Variants in TTN observed in about 807,000 individuals in gnomAD.
TTN encodes connectin.
TTN carries 1,525 observed loss-of-function variants against 3,223.0 expected under a neutral mutation model. The observed-to-expected ratio is 0.47, with a 90% confidence interval of 0.45 to 0.49. TTN has a LOEUF of 0.49. Among genes scored for constraint, TTN ranks in the 20% least tolerant of loss-of-function variants. TTN has a pLI of 0.00. For missense variants in TTN, 40,786 were observed against 43,424.0 expected, an observed-to-expected ratio of 0.94 and a Z score of 5.40; for synonymous variants, 14,094 against 15,161.0, an observed-to-expected ratio of 0.93 and a Z score of 5.17.
At position 178,658,748 on chromosome 2, in the gene TTN, T is replaced by C. The variant is rs1480068000; in HGVS notation, c.37500A>G (p.Val12500=). The change falls in exon 183 of 363, where the codon GTA becomes GTG. Residue 12500 remains valine (V), a synonymous_variant. Coordinates refer to ENST00000589042, the MANE Select transcript of TTN (RefSeq NM_001267550.2). The part of the protein sequence containing the change: ...PPKEVVPEKK[V]PVPPAKKPEA... ...CTGGCTTTTTGGCAGGAGGCACCGG[T>C]ACTTTCTTTTCTGGGACCACTTCCT... The C allele has an allele frequency of 6.3e-7, 1 of 1,578,542 alleles. No homozygotes were observed. Among genetic ancestry groups the C allele is most frequent in the Non-Finnish European group, 8.7e-7 (1 of 1,155,384 alleles).
chr2:178,527,556 G>C lies in TTN; in HGVS notation c.107570C>G (p.Ser35857Cys). 6.2e-7 allele frequency: 1 copy of C among 1,613,994 alleles called. No individual in the cohort carries two copies. The highest frequency in any genetic ancestry group is 8.5e-7 in the Non-Finnish European group (1 of 1,179,888). ...TTCTACAAAGGACTCTTGCATGGAG[G>C]ACATGCTTTGGGCAGACATGCTTGC... The part of the protein sequence containing the change: ...KFASMSAQSM[S>C]SMQESFVEMS... Residue 35857 changes from serine to cysteine, a missense_variant, in exon 362 of 363, where the codon TCC becomes TGC. Physicochemically the swap from Ser to Cys is moderately radical, Grantham distance 112. Transcript: ENST00000589042.
chr2:178,569,997 C>T lies in TTN; in HGVS notation c.76135G>A (p.Val25379Ile). ...AGTCCAGCAGCATTCTCAGCAGAAA[C>T]TCTGAACTCATAATCGTGATTTTCT... ...LIENHDYEFR[V>I]SAENAAGLSE... Residue 25379 changes from valine to isoleucine, a missense_variant, in exon 326 of 363, where the codon GTT (valine) becomes ATT (isoleucine). Physicochemically the swap from Val to Ile is conservative, Grantham distance 29 (BLOSUM62 3). Coordinates refer to ENST00000589042, the MANE Select transcript of TTN (RefSeq NM_001267550.2). 6.2e-7 allele frequency: 1 copy of T among 1,612,828 alleles called. No individual in the cohort carries two copies. The highest frequency in any genetic ancestry group is 8.5e-7 in the Non-Finnish European group (1 of 1,179,260).
chr2:178,727,298 G>T lies in TTN; in HGVS notation c.20067C>A (p.Cys6689Ter). Residue 6689 changes from cysteine (C) to a stop codon, truncating the protein, a stop_gained, in exon 69 of 363, where the codon TGC (cysteine) becomes TGA (stop). Coordinates refer to ENST00000589042, the MANE Select transcript of TTN (RefSeq NM_001267550.2). LOFTEE classifies it high-confidence loss of function. ...TGATTTCTGGGGATCCAGCTATCTT[G>T]CATTCAAGTCGTGAAGAGTCACCTG... is the stretch of plus-strand genomic sequence containing the variant. ...VKAGDSSRLE[C>*]KIAGSPEIRV... 3 of 1,612,946 alleles carry T rather than the reference G, an allele frequency of 1.9e-6. No homozygotes were observed. The highest frequency in any genetic ancestry group is 2.5e-6 in the Non-Finnish European group (3 of 1,179,336).
Position 178,773,356 on chromosome 2 carries a change from G to A in TTN, c.7608C>T (p.Ile2536=). 2 of 1,613,902 alleles carry A rather than the reference G, an allele frequency of 1.2e-6. No homozygotes were observed. The highest frequency in any genetic ancestry group is 1.7e-6 in the Non-Finnish European group (2 of 1,179,948). The change falls in exon 33 of 363, where the codon ATC becomes ATT. Residue 2536 remains isoleucine, a synonymous_variant. Transcript: ENST00000589042. Reference sequence around the variant, plus strand: ...TACAGGTAAGGTCACGAAGACCTCTGATAATTTTAATTTCTGGGGAAAAAA... The same window carrying A: ...TACAGGTAAGGTCACGAAGACCTCTAATAATTTTAATTTCTGGGGAAAAAA... The part of the protein sequence containing the change: ...CNLSVEKIKI[I]RGLRDLTCTE...
Position 178,576,147 on chromosome 2 carries a change from C to T in TTN, c.69985G>A (p.Val23329Met). Residue 23329 changes from valine to methionine, a missense_variant, in exon 326 of 363, where the codon GTG becomes ATG. By Grantham distance (21) the Val-to-Met change is conservative. Coordinates refer to ENST00000589042, the MANE Select transcript of TTN (RefSeq NM_001267550.2). The surrounding 1 kb of genome is among the most constrained non-coding windows in gnomAD (Gnocchi z 4.3). ...TCTACGATTTCAACATCTGGAATCA[C>T]CGCTGGCTCCCCAACACCTGCATCG... ...INDAGVGEPA[V>M]IPDVEIVERE... 1 of 1,613,296 alleles carries T rather than the reference C, an allele frequency of 6.2e-7. No individual in the cohort carries two copies.
In TTN at chr2:178,650,831, G is replaced by A; in HGVS notation, c.39629C>T (p.Pro13210Leu). The change falls in exon 209 of 363, where the codon CCA becomes CTA. Residue 13210 changes from proline (P) to leucine (L), a missense_variant. Transcript: ENST00000589042. ...CAAGACAGGTTTCTTTGGCACTTCT[G>A]GCACTTTAAAGATATTAATTCATTT... ...KKPEVPPAKV[P>L]EVPKKPVLEE... 1.2e-6 allele frequency: 2 copies of A among 1,602,662 alleles called. No individual in the cohort carries two copies. Among genetic ancestry groups the A allele is most frequent in the Non-Finnish European group, 8.5e-7 (1 of 1,174,054 alleles).
At position 178,636,526 on chromosome 2, in the gene TTN, A is replaced by T. The variant is rs764467205; in HGVS notation, c.41201T>A (p.Phe13734Tyr). 1 of 1,613,472 alleles carries T rather than the reference A, an allele frequency of 6.2e-7. No individual in the cohort carries two copies. The highest frequency in any genetic ancestry group is 2.2e-5 in the East Asian group (1 of 44,774). Residue 13734 changes from phenylalanine to tyrosine, a missense_variant, in exon 225 of 363, where the codon TTT (phenylalanine) becomes TAT (tyrosine). Physicochemically the swap from Phe to Tyr is conservative, Grantham distance 22. Coordinates refer to ENST00000589042, the MANE Select transcript of TTN (RefSeq NM_001267550.2). This position sits in a 1 kb window ranked among gnomAD's most constrained non-coding sequence, Gnocchi z 4.3. ...SNIRESPKHR[F>Y]IADGKDRKLH... ...CTTTCTGTCTTTACCATCTGCAATAAACCTGTGCTTGGGACTCTCACGGAT... is the reference window on the plus strand; with the variant it reads ...CTTTCTGTCTTTACCATCTGCAATATACCTGTGCTTGGGACTCTCACGGAT...
Position 178,558,656 on chromosome 2 carries a change from A to G in TTN, c.86822-19T>C, listed in dbSNP as rs766469688. 5 of 1,604,412 alleles carry G rather than the reference A, an allele frequency of 3.1e-6. 2 individuals are homozygous for G. The South Asian group carries it at 4.5e-5, about 14-fold the overall frequency. On this transcript the variant is annotated intron_variant, in intron 326 of 362. Coordinates refer to ENST00000589042, the MANE Select transcript of TTN (RefSeq NM_001267550.2). ...GGTTTTTCTAAGAAAACAAAGCATC[A>G]AAAGAAAGTGAATAATTATTACAGC...
At chr2:178,747,691 G>A (rs1020845069) in intron 47 of TTN, 2 of 1,612,540 alleles carry the variant, frequency 1.2e-6, no homozygotes, top group African/African-American at 2.7e-5. Context: ...GTGTTAGGGA[G>A]GTCTCAGATT....
chr2:178,627,397 CAA>C (rs1296642143), intron 240 of TTN, among the ~76,000 whole-genome samples: 1 of 151,914 alleles, frequency 6.6e-6, no homozygotes, highest in East Asian at 1.9e-4. Flanking sequence ...ATTACATTGA[CAA>C]GAGCAAGTTT....
chr2:178,747,296 A>G (rs1217861804), intron 47 of TTN: 1 of 1,613,240 alleles, frequency 6.2e-7, no homozygotes, highest in Non-Finnish European at 8.5e-7. Context: ...TCTTTCAGCA[A>G]CTTCCCCTAA....
At position 178,577,740 on chromosome 2, in the gene TTN, C is replaced by A; in HGVS notation, c.68686G>T (p.Val22896Phe). The part of the protein sequence containing the change: ...KSWMKANHVN[V>F]PECAFTVTDL... ...GTTACAGTAAAGGCACATTCTGGGACATTAACATGGTTGGCTTTCATCCAA... is the reference window on the plus strand; with the variant it reads ...GTTACAGTAAAGGCACATTCTGGGAAATTAACATGGTTGGCTTTCATCCAA... Residue 22896 changes from valine to phenylalanine, a missense_variant, in exon 323 of 363, where the codon GTC becomes TTC. Transcript: ENST00000589042. 6.2e-7 allele frequency: 1 copy of A among 1,613,364 alleles called. No homozygotes were observed. The highest frequency in any genetic ancestry group is 8.5e-7 in the Non-Finnish European group (1 of 1,179,566).
At position 178,534,665 on chromosome 2, in the gene TTN, G is replaced by A; in HGVS notation, c.101950C>T (p.Pro33984Ser). 2 of 1,613,764 alleles carry A rather than the reference G, an allele frequency of 1.2e-6. No homozygotes were observed. The highest frequency in any genetic ancestry group is 1.1e-5 in the South Asian group (1 of 91,078). ...ACAACATCATGCTGGTGGACTTCAG[G>A]TGCATAGTATTCTGGGGCAGTGAAT... The part of the protein sequence containing the change: ...LLFTAPEYYA[P>S]EVHQHDVVST... Residue 33984 changes from proline to serine, a missense_variant, in exon 358 of 363, where the codon CCT becomes TCT. Coordinates refer to ENST00000589042, the MANE Select transcript of TTN (RefSeq NM_001267550.2).
At position 178,718,393 on chromosome 2, in the gene TTN, T is replaced by A. The variant is rs202193812; in HGVS notation, c.24713A>T (p.Tyr8238Phe). Residue 8238 changes from tyrosine (Y) to phenylalanine (F), a missense_variant, in exon 85 of 363, where the codon TAT (tyrosine) becomes TTT (phenylalanine). Coordinates refer to ENST00000589042, the MANE Select transcript of TTN (RefSeq NM_001267550.2). ...TTCTATCAGGCAGCTGTACTGTGCA[T>A]AATCCTCTATTGTGCTCTCAAGAAT... ...LEILESTIED[Y>F]AQYSCLIENE... is the part of the protein sequence containing the mutation. 2 of 1,613,830 alleles carry A rather than the reference T, an allele frequency of 1.2e-6. No homozygotes were observed. The highest frequency in any genetic ancestry group is 8.5e-7 in the Non-Finnish European group (1 of 1,179,748).
chr2:178,715,315 A>G, intron 89 of TTN, 51 bp from the exon 90 acceptor site: 1 of 1,533,610 alleles, frequency 6.5e-7, no homozygotes, highest in Non-Finnish European at 8.7e-7. Flanking sequence ...GTATATAGTT[A>G]AAAGTAAGAA....
rs528397561 is a variant in TTN, at chr2:178,650,877, G to A, written c.39626-43C>T. 47 of 1,543,478 alleles carry A rather than the reference G, an allele frequency of 3.0e-5. No individual in the cohort carries two copies. The South Asian group carries it at 5.1e-4, about 17-fold the overall frequency. ...CATTTTTCTTATGAGTAGTTGAGAAGTATATTAAATTTATACCACATCGAC... is the reference window on the plus strand; with the variant it reads ...CATTTTTCTTATGAGTAGTTGAGAAATATATTAAATTTATACCACATCGAC... On this transcript the variant is annotated intron_variant, in intron 208 of 362. Coordinates refer to ENST00000589042, the MANE Select transcript of TTN (RefSeq NM_001267550.2).
Position 178,586,915 on chromosome 2 carries a change from C to T in TTN, c.64094-108G>A, listed in dbSNP as rs1413407674. 4.1e-6 allele frequency: 6 copies of T among 1,456,294 alleles called. No individual in the cohort carries two copies. In the Admixed American group the frequency reaches 1.1e-4, roughly 26 times the overall value. 90.2% of individuals were successfully genotyped at this position (1,456,294 alleles called of 1,614,324 possible). On this transcript the variant is annotated intron_variant, in intron 307 of 362. Coordinates refer to ENST00000589042, the MANE Select transcript of TTN (RefSeq NM_001267550.2). ...GGATTTGCTCCAATGTACATAGAAC[C>T]TGTAGTTCAGTACATTAAAAGCAAA...
intron 125 of TTN, 97 bp downstream of exon 125, chr2:178,688,956 A>G: frequency 7.5e-7 from 1 of 1,326,370 alleles, no homozygotes; most frequent in Non-Finnish European, 1.1e-6. Flanking sequence ...ATGGATCAGT[A>G]TAAGCACAGA....
rs1314945017 is a variant in TTN, at chr2:178,800,397, T to C, written c.581A>G (p.Gln194Arg). The C allele has an allele frequency of 5.6e-6, 9 of 1,614,002 alleles. No individual in the cohort carries two copies. The highest frequency in any genetic ancestry group is 7.6e-6 in the Non-Finnish European group (9 of 1,179,996). The change falls in exon 4 of 363, where the codon CAA becomes CGA. Residue 194 changes from glutamine (Q) to arginine (R), a missense_variant and splice_region_variant. By Grantham distance (43) the Gln-to-Arg change is conservative (BLOSUM62 1). Coordinates refer to ENST00000589042, the MANE Select transcript of TTN (RefSeq NM_001267550.2). The stretch of plus-strand genomic sequence containing the variant: ...GTTCCTCAACCTCCAGCACGTACCT[T>C]GAACCAGTAATTCAGCAGTCGAAGT... ...RATSTAELLVQGEEEVPAKKT... is the reference protein window; with the variant it reads ...RATSTAELLVRGEEEVPAKKT...
Sources: gnomAD v4.1 joint callset for allele counts (sites outside exome capture counted in the v4.1 genomes callset) on GRCh38, gnomAD v4.1.1 for gene constraint, Gnocchi (gnomAD v3.1) non-coding constraint, MANE v1.5 for transcripts, NCBI Gene and HGNC (gene_info 2026-07-23, HGNC 2026-07-21) for gene names.